Variants in OCIAD1 observed in about 807,000 individuals in gnomAD.
OCIAD1 encodes the protein OCIA domain containing 1.
In OCIAD1, 29 loss-of-function variants were observed where a neutral mutation model predicts 38.9. That is an observed-to-expected ratio of 0.74 (90% CI 0.55 to 1.02). The LOEUF (loss-of-function observed/expected upper bound fraction) is 1.02. OCIAD1 is among the 50% of genes least tolerant of loss of function. OCIAD1 has a pLI of 0.00. For missense variants in OCIAD1, 288 were observed against 289.6 expected, an observed-to-expected ratio of 0.99 and a Z score of 0.04; for synonymous variants, 110 against 92.0, an observed-to-expected ratio of 1.20 and a Z score of -1.12.
chr4:48,825,865 C>G (rs1290189119), intron 1 of OCIAD1, among the ~76,000 whole-genome samples: 2 of 150,226 alleles, frequency 1.3e-5, no homozygotes, highest in African/African-American at 4.9e-5. Flanking sequence ...CTTACAAGAG[C>G]CTCACTCTGT....
At chr4:48,806,048 C>A (rs1434718733) in intron 1 of OCIAD1, among the ~76,000 whole-genome samples, 1 of 152,166 alleles carries the variant, frequency 6.6e-6, no homozygotes, top group Non-Finnish European at 1.5e-5. Flanking sequence ...AGGCAGGTCA[C>A]CTGAGGTCAG....
At chr4:48,825,267 T>C (rs565008333) in intron 1 of OCIAD1, among the ~76,000 whole-genome samples, 1 of 152,294 alleles carries the variant, frequency 6.6e-6, no homozygotes, top group East Asian at 1.9e-4. Context: ...CCCACTCTAC[T>C]AGCTGCACCT....
intron 6 of OCIAD1, among the ~76,000 whole-genome samples, 174 bp from the exon 7 acceptor site, chr4:48,851,632 C>T (rs901183549): frequency 1.3e-5 from 2 of 151,858 alleles, no homozygotes; most frequent in Admixed American, 6.6e-5. Flanking sequence ...GCCAAGACTG[C>T]GTCACTGCAC....
At chr4:48,845,437 C>G (rs1778898710) in intron 4 of OCIAD1, among the ~76,000 whole-genome samples, 1 of 152,200 alleles carries the variant, frequency 6.6e-6, no homozygotes, top group African/African-American at 2.4e-5. Flanking sequence ...AGTCTATTCT[C>G]TTGGCTTCCA....
chr4:48,845,281 A>G, intron 4 of OCIAD1, among the ~76,000 whole-genome samples: 1 of 152,218 alleles, frequency 6.6e-6, no homozygotes, highest in Admixed American at 6.5e-5. Context: ...TCAGTGTGAG[A>G]CTATCCATAT....
upstream of OCIAD1, among the ~76,000 whole-genome samples, chr4:48,830,846 C>G (rs796503309): frequency 2.0e-5 from 3 of 152,294 alleles, no homozygotes; most frequent in African/African-American, 7.2e-5. Context: ...CACAACAGCC[C>G]AAAGTCAAGC....
In OCIAD1 at chr4:48,813,027, T is replaced by C. The variant is rs1040577587; in HGVS notation, c.-103+7697T>C. 5.3e-5 allele frequency among the ~76,000 whole-genome samples: 8 copies of C among 152,222 alleles called. 3 individuals are homozygous for C. Among genetic ancestry groups the C allele is most frequent in the African/African-American group, 2.4e-5 (1 of 41,548 alleles). ...GATAGGAGCACAGGCAGAAGAGCTG[T>C]GTGTGTCATAGAGGAAAACATACTA... On this transcript the variant is annotated intron_variant, in intron 1 of 6. Coordinates refer to the OCIAD1 transcript ENST00000504654.
intron 8 of OCIAD1, chr4:48,860,241 T>C (rs1328607971): frequency 3.3e-5 from 5 of 153,630 alleles, no homozygotes; most frequent in African/African-American, 9.6e-5. Flanking sequence ...CTTGAACACT[T>C]GACCATTTCT....
chr4:48,834,596 C>T (rs1777811986), intron 3 of OCIAD1, among the ~76,000 whole-genome samples: 1 of 152,140 alleles, frequency 6.6e-6, no homozygotes, highest in Admixed American at 6.5e-5. Flanking sequence ...ATAGAGGGGC[C>T]TTGTCTCTAC....
At chr4:48,814,502 A>C (rs1777124390) in intron 1 of OCIAD1, among the ~76,000 whole-genome samples, 1 of 152,176 alleles carries the variant, frequency 6.6e-6, no homozygotes, top group Non-Finnish European at 1.5e-5. Context: ...ATTAAGGCAA[A>C]AACAAAAATA....
chr4:48,828,746 C>A (rs1027785129), upstream of OCIAD1, among the ~76,000 whole-genome samples: 4 of 152,178 alleles, frequency 2.6e-5, no homozygotes, highest in African/African-American at 9.7e-5. Context: ...GGAATAAACT[C>A]CGAGCATGTC....
intron 2 of OCIAD1, 70 bp from the exon 3 acceptor site, chr4:48,833,331 C>G (rs1301988267): frequency 5.5e-6 from 5 of 906,214 alleles, no homozygotes; most frequent in Non-Finnish European, 7.1e-6. Context: ...AATGTTTAGG[C>G]TAAGATAATT....
intron 3 of OCIAD1, among the ~76,000 whole-genome samples, chr4:48,834,851 A>T (rs1324144300): frequency 1.3e-5 from 2 of 152,220 alleles, no homozygotes; most frequent in Non-Finnish European, 2.9e-5. Flanking sequence ...CCTGATATGT[A>T]TGCTTAAAAT....
At chr4:48,843,839 G>A (rs1250259755) in intron 4 of OCIAD1, among the ~76,000 whole-genome samples, 1 of 152,194 alleles carries the variant, frequency 6.6e-6, no homozygotes, top group African/African-American at 2.4e-5. Context: ...TTAATCCAGT[G>A]TGTCATTTAA....
chr4:48,841,965 A>G (rs1298903721), intron 3 of OCIAD1, among the ~76,000 whole-genome samples: 2 of 152,228 alleles, frequency 1.3e-5, no homozygotes, highest in African/African-American at 2.4e-5. Context: ...CAGCCACCGT[A>G]TGATTACGGT....
chr4:48,825,607 G>T (rs1334823495), intron 1 of OCIAD1, among the ~76,000 whole-genome samples: 1 of 152,176 alleles, frequency 6.6e-6, no homozygotes, highest in Non-Finnish European at 1.5e-5. Context: ...TTATAATGCA[G>T]GAAACTGGCC....
intron 3 of OCIAD1, among the ~76,000 whole-genome samples, chr4:48,841,982 T>A (rs750660292): frequency 6.6e-6 from 1 of 152,186 alleles, no homozygotes; most frequent in Non-Finnish European, 1.5e-5. Flanking sequence ...CGGTCAAATA[T>A]GTTTTGTATT....
Position 48,812,505 on chromosome 4 carries a change from TAGAG to T in OCIAD1, c.-103+7176_-103+7179del, listed in dbSNP as rs202089385. ...AACTGAAAAAGAGTGGTCAGTTAGATAGAGGGAAAAAAGAAAAGGGGGCCAAATT... is the reference window on the plus strand; with the variant it reads ...AACTGAAAAAGAGTGGTCAGTTAGATGGAAAAAAGAAAAGGGGGCCAAATT... On this transcript the variant is annotated intron_variant, in intron 1 of 6. Coordinates refer to the OCIAD1 transcript ENST00000504654. 8.0e-3 allele frequency among the ~76,000 whole-genome samples: 1,202 copies of T among 150,372 alleles called. 4 individuals carry two copies. The highest frequency in any genetic ancestry group is 0.012 in the Admixed American group (176 of 15,072).
chr4:48,819,886 C>T (rs1777177252), intron 1 of OCIAD1, among the ~76,000 whole-genome samples: 1 of 152,062 alleles, frequency 6.6e-6, no homozygotes, highest in African/African-American at 2.4e-5. Flanking sequence ...TACAGGAGCA[C>T]TCAGATTCAT....
Sources: gnomAD v4.1 joint callset for allele counts (sites outside exome capture counted in the v4.1 genomes callset) on GRCh38, gnomAD v4.1.1 for gene constraint, MANE v1.5 for transcripts, NCBI Gene and HGNC (gene_info 2026-07-23, HGNC 2026-07-21) for gene names.